HERC1: variants seen among roughly 807,000 people sequenced by gnomAD.
The protein encoded by HERC1 is HECT and RLD domain containing E3 ubiquitin protein ligase family member 1.
HERC1 carries 160 observed loss-of-function variants against 554.3 expected under a neutral mutation model. The ratio of observed to expected loss-of-function variants is 0.29; its 90% confidence interval spans 0.25 to 0.33. The LOEUF is 0.33. HERC1 is among the 10% of genes least tolerant of loss of function. The pLI, the probability that HERC1 is intolerant of heterozygous loss-of-function variation, is 1.00. For missense variants in HERC1, 4,919 were observed against 5,918.5 expected, an observed-to-expected ratio of 0.83 and a Z score of 5.54; for synonymous variants, 2,175 against 2,131.7, an observed-to-expected ratio of 1.02 and a Z score of -0.56.
chr15:63,664,742 G>C (rs1180130208), intron 42 of HERC1, 148 bp from the exon 43 acceptor site: 1 of 636,468 alleles, frequency 1.6e-6, no homozygotes, highest in African/African-American at 1.8e-5. Flanking sequence ...TTTATCCCTT[G>C]AACAGTTCAA....
chr15:63,711,737 G>A (rs1265570544), intron 24 of HERC1, among the ~76,000 whole-genome samples: 3 of 152,162 alleles, frequency 2.0e-5, no homozygotes, highest in Non-Finnish European at 4.4e-5. Flanking sequence ...GCTGTCACAT[G>A]ATATGACCAA....
chr15:63,625,651 G>A lies in HERC1; in HGVS notation c.13275+334C>T, dbSNP rs1016318640. On this transcript the variant is annotated intron_variant, in intron 71 of 77. Transcript: ENST00000443617. ...AGAGGTTGCAGTGAGCTGAGATTGC[G>A]CCACTGCACTCCAGCCTGGGCGACA... Among the ~76,000 whole-genome samples the A allele has an allele frequency of 1.0e-4, 15 of 144,842 alleles. No homozygotes were observed. The South Asian group carries it at 1.1e-3, about 10-fold the overall frequency.
chr15:63,763,364 C>A (rs1404116890), intron 3 of HERC1, among the ~76,000 whole-genome samples: 2 of 152,120 alleles, frequency 1.3e-5, no homozygotes, highest in Non-Finnish European at 2.9e-5. Flanking sequence ...AGACATAACA[C>A]CTGAGACTGA....
At chr15:63,714,825 C>A (rs1180574022) in intron 22 of HERC1, among the ~76,000 whole-genome samples, 1 of 151,878 alleles carries the variant, frequency 6.6e-6, no homozygotes, top group East Asian at 1.9e-4. Context: ...GGGATTACAG[C>A]CGTGAGCCAC....
At chr15:63,723,439 T>C in intron 18 of HERC1, 84 bp from the exon 19 acceptor site, 2 of 953,762 alleles carry the variant, frequency 2.1e-6, no homozygotes, top group Non-Finnish European at 3.0e-6. Flanking sequence ...ATTTAATGAT[T>C]ATGAAATGAT....
Position 63,643,071 on chromosome 15 carries a change from A to G in HERC1, c.11332-13T>C, listed in dbSNP as rs576332522. On this transcript the variant is annotated splice_polypyrimidine_tract_variant and intron_variant, in intron 58 of 77. Transcript: ENST00000443617. ...AGACAGAGCCATCCTAAAATGAGAT[A>G]TATTTACCAATACACACCATTGAAC... The G allele has an allele frequency of 2.7e-6, 4 of 1,466,112 alleles. No individual in the cohort carries two copies. Among genetic ancestry groups the G allele is most frequent in the East Asian group, 4.5e-5 (2 of 44,046 alleles). 90.8% of individuals were successfully genotyped at this position (1,466,112 alleles called of 1,614,324 possible).
intron 1 of HERC1, among the ~76,000 whole-genome samples, chr15:63,829,561 GTATATATATATA>G (rs60037018): frequency 9.1e-4 from 74 of 81,732 alleles, no homozygotes; most frequent in African/African-American, 3.4e-3. Flanking sequence ...GTGTGTGTGT[GTATATATATATA>G]TATATATATA....
chr15:63,721,993 TG>T (rs1567052083), intron 19 of HERC1, among the ~76,000 whole-genome samples: 1 of 152,176 alleles, frequency 6.6e-6, no homozygotes, highest in African/African-American at 2.4e-5. Context: ...CCCGAGTAGC[TG>T]GGATTACAGG....
Position 63,689,657 on chromosome 15 carries a change from C to G in HERC1, c.5980G>C (p.Glu1994Gln), listed in dbSNP as rs763594091. Residue 1994 changes from glutamate (E) to glutamine (Q), a missense_variant, in exon 33 of 78, where the codon GAG becomes CAG. This residue lies in a region of HERC1 where 1,121 missense variants were observed against 1,244.0 expected (regional missense o/e 0.90). Coordinates refer to ENST00000443617, the MANE Select transcript of HERC1 (RefSeq NM_003922.4). ...LFSLLSDCMW[E>Q]TPIAQAKHAI... ...TGTTTGGCCTGAGCAATGGGTGTCT[C>G]CCACATACAATCAGAGAGAAGGGAA... 3 of 1,588,934 alleles carry G rather than the reference C, an allele frequency of 1.9e-6. No homozygotes were observed. Among genetic ancestry groups the G allele is most frequent in the Non-Finnish European group, 1.7e-6 (2 of 1,166,486 alleles).
At chr15:63,830,986 T>C (rs573962966) in intron 1 of HERC1, among the ~76,000 whole-genome samples, 45 of 152,358 alleles carry the variant, frequency 3.0e-4, no homozygotes, top group African/African-American at 4.8e-4. Flanking sequence ...AACTTCTCTG[T>C]AAATGATTTG....
chr15:63,806,018 C>T lies in HERC1; in HGVS notation c.-27+27809G>A, dbSNP rs139454336. On this transcript the variant is annotated intron_variant, in intron 1 of 77. Coordinates refer to ENST00000443617, the MANE Select transcript of HERC1 (RefSeq NM_003922.4). ...TCTTGTCCACCCAATGCTGGTATTC[C>T]CAAAAGTTCTAGAACCTCCTTTTTC... Among the ~76,000 whole-genome samples, 3 of 151,980 alleles carry T rather than the reference C, an allele frequency of 2.0e-5. No homozygotes were observed. The East Asian group carries it at 5.8e-4, about 29-fold the overall frequency.
At chr15:63,825,955 G>A (rs746342911) in intron 1 of HERC1, among the ~76,000 whole-genome samples, 2 of 151,828 alleles carry the variant, frequency 1.3e-5, no homozygotes, top group Non-Finnish European at 2.9e-5. Flanking sequence ...TAGAGACGGG[G>A]TTTCACCATG....
At chr15:63,699,075 T>A (rs1270673390) in intron 25 of HERC1, 79 bp from the exon 26 acceptor site, 2 of 1,286,170 alleles carry the variant, frequency 1.6e-6, no homozygotes, top group African/African-American at 3.0e-5. Context: ...GGCTGAGTGC[T>A]GCTACCATAA....
intron 24 of HERC1, among the ~76,000 whole-genome samples, chr15:63,710,881 A>T (rs2073258780): frequency 6.6e-6 from 1 of 152,190 alleles, no homozygotes; most frequent in South Asian, 2.1e-4. Flanking sequence ...CAGAAGGAGA[A>T]TCACTGAGGA....
chr15:63,780,872 T>C (rs1439542346), intron 1 of HERC1, among the ~76,000 whole-genome samples: 3 of 152,254 alleles, frequency 2.0e-5, no homozygotes, highest in Non-Finnish European at 2.9e-5. Context: ...ATAAAACATA[T>C]ATGAAAGTAG....
intron 12 of HERC1, among the ~76,000 whole-genome samples, chr15:63,737,516 G>GATATATATAT (rs754808106): frequency 8.6e-5 from 4 of 46,428 alleles, no homozygotes; most frequent in East Asian, 1.4e-3. Flanking sequence ...CTTTTTTCCA[G>GATATATATAT]ATATATATAT....
chr15:63,644,798 A>C (rs2069247780), intron 57 of HERC1, among the ~76,000 whole-genome samples, 194 bp downstream of exon 57: 1 of 152,190 alleles, frequency 6.6e-6, no homozygotes, highest in Non-Finnish European at 1.5e-5. Context: ...AGAATATCTC[A>C]TTTTACCAAG....
chr15:63,831,811 T>G (rs1194219130), intron 1 of HERC1, among the ~76,000 whole-genome samples: 1 of 152,210 alleles, frequency 6.6e-6, no homozygotes, highest in African/African-American at 2.4e-5. Flanking sequence ...ATTGAGATTT[T>G]CAAGAGATGT....
chr15:63,747,511 G>A (rs1259382464), intron 11 of HERC1, among the ~76,000 whole-genome samples: 2 of 152,008 alleles, frequency 1.3e-5, no homozygotes, highest in Admixed American at 6.6e-5. Context: ...TTTAAAACAT[G>A]ATTTGTGAAA....
Sources: gnomAD v4.1 joint callset for allele counts (sites outside exome capture counted in the v4.1 genomes callset) on GRCh38, gnomAD v4.1.1 for gene constraint, gnomAD v4.1.1 regional missense constraint, MANE v1.5 for transcripts, NCBI Gene and HGNC (gene_info 2026-07-23, HGNC 2026-07-21) for gene names.